Variants in EDN3 observed in about 807,000 individuals in gnomAD.
EDN3 encodes endothelin-3.
EDN3 carries 9 observed loss-of-function variants against 21.4 expected under a neutral mutation model. The ratio of observed to expected loss-of-function variants is 0.42; its 90% CI spans 0.25 to 0.73. The LOEUF is 0.73. EDN3 is among the 30% of genes least tolerant of loss of function. The pLI is 0.26. For synonymous variants in EDN3, 133 were observed against 126.2 expected (o/e 1.05, Z -0.36); for missense variants, 327 against 309.4 (o/e 1.06, Z -0.43).
intron 2 of EDN3, among the ~76,000 whole-genome samples, chr20:59,310,646 G>A (rs1419778475): frequency 6.6e-6 from 1 of 152,138 alleles, no homozygotes; most frequent in African/African-American, 2.4e-5. Context: ...AGACTTGGTG[G>A]GAGCTCTTAA....
intron 2 of EDN3, among the ~76,000 whole-genome samples, chr20:59,313,283 T>C (rs1255064979): frequency 1.3e-5 from 2 of 152,146 alleles, no homozygotes; most frequent in African/African-American, 4.8e-5. Flanking sequence ...CTGCCCTGGA[T>C]GGAGAGGTGA....
intron 2 of EDN3, among the ~76,000 whole-genome samples, chr20:59,319,962 A>G (rs1342428574): frequency 6.6e-6 from 1 of 152,206 alleles, no homozygotes; most frequent in Non-Finnish European, 1.5e-5. Flanking sequence ...TCAAGCTAGT[A>G]AGTTAAGGAT....
Position 59,324,312 on chromosome 20 carries a change from C to A in EDN3, c.589-19C>A. On this transcript the variant is annotated intron_variant, in intron 4 of 4. Coordinates refer to ENST00000337938, the MANE Select transcript of EDN3 (RefSeq NM_207034.3). ...CATACCTTTCTTTTTTTTTCTTTTG[C>A]CCCCTTTCCCCAAGACAGGTTGAAG... 1.9e-6 allele frequency: 3 copies of A among 1,613,180 alleles called. No individual in the cohort carries two copies. Among genetic ancestry groups the A allele is most frequent in the Non-Finnish European group, 2.5e-6 (3 of 1,179,740 alleles).
At chr20:59,319,322 T>C (rs1257964192) in intron 2 of EDN3, among the ~76,000 whole-genome samples, 1 of 152,166 alleles carries the variant, frequency 6.6e-6, no homozygotes, top group Non-Finnish European at 1.5e-5. Flanking sequence ...CTTAGGTCAC[T>C]ATGGGGCTTC....
chr20:59,312,863 G>A (rs2268689), intron 2 of EDN3, among the ~76,000 whole-genome samples: 97,333 of 152,062 alleles, frequency 0.64, 32,731 homozygotes, highest in East Asian at 0.85. Flanking sequence ...CCAGAAGGAA[G>A]GTGCCCACCT....
chr20:59,304,257 T>TA (rs1381896691), intron 2 of EDN3, among the ~76,000 whole-genome samples: 3 of 152,144 alleles, frequency 2.0e-5, no homozygotes, highest in Non-Finnish European at 1.5e-5. Flanking sequence ...GGGAGGAATC[T>TA]AAAAAATCAC....
intron 2 of EDN3, among the ~76,000 whole-genome samples, chr20:59,319,356 C>T (rs1004521039): frequency 2.0e-5 from 3 of 151,826 alleles, no homozygotes; most frequent in Non-Finnish European, 4.4e-5. Flanking sequence ...CCCTCACTGT[C>T]GCAAAAAGGC....
intron 2 of EDN3, among the ~76,000 whole-genome samples, chr20:59,319,637 A>G (rs1990397177): frequency 6.6e-6 from 1 of 151,746 alleles, no homozygotes; most frequent in Non-Finnish European, 1.5e-5. Flanking sequence ...AAGGCAGGAG[A>G]ATTGCTTGAA....
chr20:59,314,533 G>A (rs1279797710), intron 2 of EDN3, among the ~76,000 whole-genome samples: 1 of 152,104 alleles, frequency 6.6e-6, no homozygotes, highest in African/African-American at 2.4e-5. Context: ...AAATGGACAA[G>A]GAGGGGCGGG....
chr20:59,306,030 C>T (rs920773573), intron 2 of EDN3, among the ~76,000 whole-genome samples: 4 of 152,132 alleles, frequency 2.6e-5, no homozygotes, highest in African/African-American at 9.7e-5. Context: ...GACTGAAAAC[C>T]TGTTTATCCA....
chr20:59,318,378 T>C (rs531901230), intron 2 of EDN3, among the ~76,000 whole-genome samples: 2 of 152,322 alleles, frequency 1.3e-5, no homozygotes, highest in East Asian at 3.9e-4. Context: ...CAAGGCAGCA[T>C]TTGGAAGCCA....
At chr20:59,320,571 G>A (rs1336860468) in intron 2 of EDN3, among the ~76,000 whole-genome samples, 1 of 152,256 alleles carries the variant, frequency 6.6e-6, no homozygotes, top group Non-Finnish European at 1.5e-5. Flanking sequence ...CCGAGGAGCA[G>A]AACCCGGCCC....
chr20:59,319,587 G>A (rs576219156), intron 2 of EDN3, among the ~76,000 whole-genome samples: 42 of 152,000 alleles, frequency 2.8e-4, no homozygotes, highest in Non-Finnish European at 4.0e-4. Flanking sequence ...TTAGCCGGGC[G>A]TGGTGGCACA....
chr20:59,324,969 T>A lies in EDN3; in HGVS notation c.*510T>A, dbSNP rs1437802987. The A allele has an allele frequency of 6.2e-6, 1 of 161,356 alleles. No homozygotes were observed. The highest frequency in any genetic ancestry group is 2.4e-5 in the African/African-American group (1 of 41,710). The allele number at this position is 161,356 out of a possible 1,614,324, so 10.0% of individuals were successfully genotyped here. On this transcript the variant is annotated 3_prime_UTR_variant, in exon 5 of 5. Coordinates refer to ENST00000337938, the MANE Select transcript of EDN3 (RefSeq NM_207034.3). ...CACAGATCATAGCTCTACAGGAGTT[T>A]ATGAATTTGAAGCTTATGGGATTTT... is the stretch of plus-strand genomic sequence containing the variant.
chr20:59,303,933 G>A (rs1461158141), intron 2 of EDN3, among the ~76,000 whole-genome samples: 3 of 152,154 alleles, frequency 2.0e-5, no homozygotes, highest in Non-Finnish European at 2.9e-5. Context: ...AAACAAAAAC[G>A]ACAATAGCCA....
At chr20:59,321,816 T>G (rs1990566334) in intron 3 of EDN3, among the ~76,000 whole-genome samples, 1 of 152,218 alleles carries the variant, frequency 6.6e-6, no homozygotes, top group South Asian at 2.1e-4. Context: ...TAGGGAAGCT[T>G]GCAAATCACG....
chr20:59,320,993 C>T (rs751502790), intron 2 of EDN3, 24 bp from the exon 3 acceptor site: 1 of 1,614,100 alleles, frequency 6.2e-7, no homozygotes, highest in Non-Finnish European at 8.5e-7. Flanking sequence ...GTGTGCTCAC[C>T]TAACATTACC....
At chr20:59,321,215 C>T (rs1990521446) in intron 3 of EDN3, 22 bp downstream of exon 3, 4 of 1,613,792 alleles carry the variant, frequency 2.5e-6, no homozygotes, top group Admixed American at 1.7e-5. Flanking sequence ...CCTCCAGTTT[C>T]ACTCATTTGC....
chr20:59,306,575 T>G (rs1199008329), intron 2 of EDN3, among the ~76,000 whole-genome samples: 6 of 101,454 alleles, frequency 5.9e-5, no homozygotes, highest in African/African-American at 2.6e-4. Flanking sequence ...AGTTTTTTTC[T>G]CCCCTAAATG....
Sources: gnomAD v4.1 joint callset for allele counts (sites outside exome capture counted in the v4.1 genomes callset) on GRCh38, gnomAD v4.1.1 for gene constraint, MANE v1.5 for transcripts, NCBI Gene and HGNC (gene_info 2026-07-23, HGNC 2026-07-21) for gene names.